Variants in LRRTM3 observed in about 807,000 individuals in gnomAD.
LRRTM3 encodes leucine rich repeat transmembrane neuronal 3.
A neutral mutation model predicts 44.7 loss-of-function variants in LRRTM3; 24 were observed. That is an observed-to-expected ratio of 0.54 (90% CI 0.39 to 0.76). The LOEUF (loss-of-function observed/expected upper bound fraction) is 0.76, where lower values mean the gene tolerates loss of function less well. Ranked by LOEUF, LRRTM3 falls within the 30% of genes least tolerant of loss-of-function variation. The pLI is 0.00. For missense variants in LRRTM3, 587 were observed against 702.2 expected (o/e 0.84, Z 1.85); for synonymous variants, 277 against 278.7 (o/e 0.99, Z 0.06).
intron 2 of LRRTM3, among the ~76,000 whole-genome samples, chr10:67,002,790 A>G (rs1344852301): frequency 6.6e-6 from 1 of 152,158 alleles, no homozygotes; most frequent in Admixed American, 6.5e-5. Flanking sequence ...TGGGTTAAAT[A>G]AACACAATTA....
At position 66,928,069 on chromosome 10, in the gene LRRTM3, C is replaced by T; in HGVS notation, c.1153C>T (p.Pro385Ser). Reference sequence around the variant, plus strand: ...AAAGCCGACGTTTAAGCCCAAGCTCCCCAGGCCGAAGCATGAGAGCAAACC... The same window carrying T: ...AAAGCCGACGTTTAAGCCCAAGCTCTCCAGGCCGAAGCATGAGAGCAAACC... The part of the protein sequence containing the change: ...LPKPTFKPKL[P>S]RPKHESKPPL... The change falls in exon 2 of 3, where the codon CCC (proline) becomes TCC (serine). Residue 385 changes from proline to serine, a missense_variant. Transcript: ENST00000361320. The T allele has an allele frequency of 6.2e-7, 1 of 1,614,058 alleles. No individual in the cohort carries two copies. Among genetic ancestry groups the T allele is most frequent in the Non-Finnish European group, 8.5e-7 (1 of 1,180,028 alleles).
chr10:67,076,109 G>A (rs144153712), intron 2 of LRRTM3, among the ~76,000 whole-genome samples: 1 of 152,304 alleles, frequency 6.6e-6, no homozygotes, highest in African/African-American at 2.4e-5. Context: ...TATGTAGAAA[G>A]ATGGGAGGGT....
At chr10:67,047,773 A>C (rs1416566457) in intron 2 of LRRTM3, among the ~76,000 whole-genome samples, 1 of 152,144 alleles carries the variant, frequency 6.6e-6, no homozygotes, top group Admixed American at 6.5e-5. Context: ...TCTAGCATTA[A>C]CAGGTGGCTT....
At chr10:67,051,006 A>T (rs999587606) in intron 2 of LRRTM3, among the ~76,000 whole-genome samples, 1 of 152,372 alleles carries the variant, frequency 6.6e-6, no homozygotes, top group African/African-American at 2.4e-5. Context: ...CTCTTGGAAC[A>T]GTTACAAAGA....
intron 2 of LRRTM3, among the ~76,000 whole-genome samples, chr10:66,999,146 T>C (rs1464845839): frequency 6.6e-6 from 1 of 152,152 alleles, no homozygotes; most frequent in Non-Finnish European, 1.5e-5. Context: ...TGTACTACTT[T>C]TATTTATCAT....
chr10:66,947,547 C>G (rs994827678), intron 2 of LRRTM3, among the ~76,000 whole-genome samples: 30 of 152,032 alleles, frequency 2.0e-4, no homozygotes, highest in African/African-American at 6.8e-4. Flanking sequence ...TCTCCCTCTC[C>G]CCTGCTGAAA....
chr10:67,050,728 A>G (rs1855038002), intron 2 of LRRTM3, among the ~76,000 whole-genome samples: 1 of 152,216 alleles, frequency 6.6e-6, no homozygotes, highest in Non-Finnish European at 1.5e-5. Flanking sequence ...GAAAGCAGAA[A>G]TGACCACTCG....
Position 66,989,781 on chromosome 10 carries a change from T to C in LRRTM3, c.1536+61329T>C, listed in dbSNP as rs1452958083. On this transcript the variant is annotated intron_variant, in intron 2 of 2. Coordinates refer to ENST00000361320, the MANE Select transcript of LRRTM3 (RefSeq NM_178011.5). ...TTCATGGCACAGAGGATTATCATACTTGGCTGCTGGTCTGAGCTCATCCAG... is the reference window on the plus strand; with the variant it reads ...TTCATGGCACAGAGGATTATCATACCTGGCTGCTGGTCTGAGCTCATCCAG... Among the ~76,000 whole-genome samples, 6 of 152,284 alleles carry C rather than the reference T, an allele frequency of 3.9e-5. No individual in the cohort carries two copies. The South Asian group carries it at 1.2e-3, about 32-fold the overall frequency.
At chr10:67,053,504 A>G (rs1855240141) in intron 2 of LRRTM3, among the ~76,000 whole-genome samples, 1 of 152,160 alleles carries the variant, frequency 6.6e-6, no homozygotes, top group African/African-American at 2.4e-5. Flanking sequence ...CTATATGCAT[A>G]TCATTTGAAG....
intron 2 of LRRTM3, among the ~76,000 whole-genome samples, chr10:66,946,999 G>A (rs1025764578): frequency 1.3e-5 from 2 of 152,056 alleles, no homozygotes; most frequent in African/African-American, 4.8e-5. Flanking sequence ...CTCCAAGAAG[G>A]ACACTGAGGT....
chr10:67,017,414 A>G (rs1032812344), intron 2 of LRRTM3, among the ~76,000 whole-genome samples: 5 of 152,194 alleles, frequency 3.3e-5, no homozygotes, highest in African/African-American at 4.8e-5. Flanking sequence ...AGAAGAACAG[A>G]GTTGATTATG....
In LRRTM3 at chr10:67,075,170, G is replaced by GCACA. The variant is rs57260841; in HGVS notation, c.1537-22401_1537-22398dup. Among the ~76,000 whole-genome samples the GCACA allele has an allele frequency of 3.3e-3, 492 of 149,740 alleles. 4 individuals are homozygous for GCACA. Among genetic ancestry groups the GCACA allele is most frequent in the African/African-American group, 0.011 (444 of 40,628 alleles). On this transcript the variant is annotated intron_variant, in intron 2 of 2. Transcript: ENST00000361320. Reference sequence around the variant, plus strand: ...TTTTGTGTTGCTTCTAAGGATTTCTGCACACACACACACACACACTCACAC... The same window carrying GCACA: ...TTTTGTGTTGCTTCTAAGGATTTCTGCACACACACACACACACACACACTCACAC...
intron 2 of LRRTM3, among the ~76,000 whole-genome samples, chr10:66,978,921 A>C (rs1850240350): frequency 6.7e-6 from 1 of 150,064 alleles, no homozygotes; most frequent in Admixed American, 6.6e-5. Context: ...ACTAGCGACA[A>C]GTCCCTTGTT....
At position 67,014,589 on chromosome 10, in the gene LRRTM3, C is replaced by T. The variant is rs539696453; in HGVS notation, c.1537-82998C>T. On this transcript the variant is annotated intron_variant, in intron 2 of 2. Coordinates refer to ENST00000361320, the MANE Select transcript of LRRTM3 (RefSeq NM_178011.5). Reference sequence around the variant, plus strand: ...AATTCCAAAATTTATAATGTATTTGCCAAAGACTTTCTTTAGTAGCTAATG... The same window carrying T: ...AATTCCAAAATTTATAATGTATTTGTCAAAGACTTTCTTTAGTAGCTAATG... Among the ~76,000 whole-genome samples the T allele has an allele frequency of 3.3e-5, 5 of 151,966 alleles. No individual in the cohort carries two copies. In the East Asian group the frequency reaches 9.7e-4, roughly 29 times the overall value.
chr10:66,972,043 C>A lies in LRRTM3; in HGVS notation c.1536+43591C>A, dbSNP rs375401985. Reference sequence around the variant, plus strand: ...TTGTCCTTGAATCTATGGTCTTTAACAGTCTTTATAATATCTTGAACTCTA... The same window carrying A: ...TTGTCCTTGAATCTATGGTCTTTAAAAGTCTTTATAATATCTTGAACTCTA... On this transcript the variant is annotated intron_variant, in intron 2 of 2. Transcript: ENST00000361320. Among the ~76,000 whole-genome samples the A allele has an allele frequency of 4.6e-4, 70 of 152,158 alleles. No individual in the cohort carries two copies. In the South Asian group the frequency reaches 0.014, roughly 31 times the overall value.
chr10:66,978,552 A>AAAATATATAT, intron 2 of LRRTM3, among the ~76,000 whole-genome samples: 7 of 37,886 alleles, frequency 1.8e-4, no homozygotes, highest in Middle Eastern at 0.02. Context: ...AAAAAAAAAA[A>AAAATATATAT]ATATATATAT....
intron 2 of LRRTM3, among the ~76,000 whole-genome samples, chr10:66,994,748 TTATAGAA>T: frequency 6.6e-6 from 1 of 152,204 alleles, no homozygotes; most frequent in East Asian, 1.9e-4. Context: ...TCAATACTAT[TTATAGAA>T]TACAGCTGCA....
chr10:67,068,771 G>A (rs1309810811), intron 2 of LRRTM3, among the ~76,000 whole-genome samples: 1 of 152,148 alleles, frequency 6.6e-6, no homozygotes, highest in East Asian at 1.9e-4. Context: ...GAAGTGGTAT[G>A]AGTTTGGACC....
chr10:67,033,526 C>T (rs554738891), intron 2 of LRRTM3, among the ~76,000 whole-genome samples: 6 of 152,344 alleles, frequency 3.9e-5, no homozygotes, highest in African/African-American at 1.4e-4. Context: ...AAGTTGAGTG[C>T]AGTAGACATA....
Sources: allele counts gnomAD v4.1 joint callset (sites outside exome capture counted in the v4.1 genomes callset), GRCh38; gene constraint gnomAD v4.1.1; transcripts MANE v1.5; gene names NCBI Gene and HGNC (gene_info 2026-07-23, HGNC 2026-07-21).